Variants in CRNKL1 observed in about 807,000 individuals in gnomAD.
The protein encoded by CRNKL1 is crooked neck-like protein 1.
CRNKL1 carries 35 observed loss-of-function variants against 103.7 expected under a neutral mutation model. The ratio of observed to expected loss-of-function variants is 0.34; its 90% CI spans 0.26 to 0.45. CRNKL1 has a LOEUF of 0.45. Among genes scored for constraint, CRNKL1 ranks in the 20% least tolerant of loss-of-function variants. CRNKL1 has a pLI of 1.00. For missense variants in CRNKL1, 645 were observed against 836.0 expected (o/e 0.77, Z 2.82); for synonymous variants, 267 against 282.6 (o/e 0.94, Z 0.55).
chr20:20,038,080 C>G (rs1477495059), intron 12 of CRNKL1, among the ~76,000 whole-genome samples: 5 of 149,202 alleles, frequency 3.4e-5, no homozygotes, highest in African/African-American at 1.2e-4. Flanking sequence ...AGCAAGACTC[C>G]GTCTCAAAAA....
intron 12 of CRNKL1, among the ~76,000 whole-genome samples, chr20:20,038,129 C>T (rs1390742800): frequency 1.3e-5 from 2 of 150,922 alleles, no homozygotes; most frequent in African/African-American, 4.9e-5. Context: ...TCTTGTGATA[C>T]CCAAGCTACT....
At chr20:20,039,995 A>G (rs1468233253) in intron 10 of CRNKL1, 147 bp from the exon 11 acceptor site, 37 of 797,976 alleles carry the variant, frequency 4.6e-5, no homozygotes, top group Admixed American at 2.8e-4. Flanking sequence ...TGGTATCACA[A>G]TGTTTACTGG....
chr20:20,036,144 C>T lies in CRNKL1; in HGVS notation c.*51G>A. ...AGAACTTCCAGGAGTCACAAGAGTT[C>T]CAAACAATTAATTTATAAAAATAAC... On this transcript the variant is annotated 3_prime_UTR_variant, in exon 14 of 14. Coordinates refer to ENST00000536226, the MANE Select transcript of CRNKL1 (RefSeq NM_001278628.2). 1 of 1,576,304 alleles carries T rather than the reference C, an allele frequency of 6.3e-7. No homozygotes were observed. Among genetic ancestry groups the T allele is most frequent in the Non-Finnish European group, 8.6e-7 (1 of 1,156,362 alleles).
chr20:20,034,796 CTG>C lies in CRNKL1; in HGVS notation c.*1397_*1398del, dbSNP rs747814549. ...TCCTAGTTTCTTCTGTCCTCAAACA[CTG>C]TTATTTATTTTCAAGATAAAATTTA... On this transcript the variant is annotated 3_prime_UTR_variant, in exon 14 of 14. Coordinates refer to ENST00000536226, the MANE Select transcript of CRNKL1 (RefSeq NM_001278628.2). 1 of 152,208 alleles carries C rather than the reference CTG, an allele frequency of 6.6e-6. No homozygotes were observed. The highest frequency in any genetic ancestry group is 6.5e-5 in the Admixed American group (1 of 15,278). The allele number at this position is 152,208 out of a possible 1,614,324, so 9.4% of individuals were successfully genotyped here. A position where few individuals can be genotyped will look rare whatever the true frequency, so the allele number is the denominator to read the frequency against.
At chr20:20,049,673 T>A (rs1273305270) in intron 2 of CRNKL1, among the ~76,000 whole-genome samples, 1 of 152,232 alleles carries the variant, frequency 6.6e-6, no homozygotes, top group African/African-American at 2.4e-5. Flanking sequence ...TACCTTTAAG[T>A]CCTCTGGTAA....
Position 20,040,726 on chromosome 20 carries a change from T to A in CRNKL1, c.1265A>T (p.Glu422Val). 6.2e-7 allele frequency: 1 copy of A among 1,612,330 alleles called. No individual in the cohort carries two copies. The highest frequency in any genetic ancestry group is 2.2e-5 in the East Asian group (1 of 44,826). The change falls in exon 10 of 14, where the codon GAA becomes GTA. Residue 422 changes from glutamate to valine, a missense_variant. By Grantham distance (121) the Glu-to-Val change is moderately radical. This residue lies in a region of CRNKL1 where 582 missense variants were observed against 707.7 expected (regional missense o/e 0.82). Coordinates refer to ENST00000536226, the MANE Select transcript of CRNKL1 (RefSeq NM_001278628.2). ...TAATGACAGATTCTTCTGTCGTATT[T>A]CAAACTGTGCATACAGTATCCACAT... ...AKMWILYAQF[E>V]IRQKNLSLAR... is the part of the protein sequence containing the mutation.
Position 20,036,392 on chromosome 20 carries a change from A to G in CRNKL1, c.1897-30T>C, listed in dbSNP as rs138398083. 1.4e-4 allele frequency: 222 copies of G among 1,608,360 alleles called. No individual in the cohort carries two copies. In the East Asian group the frequency reaches 4.8e-3, roughly 35 times the overall value. On this transcript the variant is annotated intron_variant, in intron 13 of 13. Coordinates refer to ENST00000536226, the MANE Select transcript of CRNKL1 (RefSeq NM_001278628.2). ...AGAAATAAAAAATGAAAAGATAAGC[A>G]AACGTGGGTGATATACTCACATATC...
chr20:20,039,899 G>T, intron 10 of CRNKL1, 51 bp from the exon 11 acceptor site: 1 of 1,591,152 alleles, frequency 6.3e-7, no homozygotes, highest in Non-Finnish European at 8.6e-7. Flanking sequence ...GATTTAATCT[G>T]TGCAGTTATT....
Position 20,035,955 on chromosome 20 carries a change from A to T in CRNKL1, c.*240T>A, listed in dbSNP as rs2043412647. ...TTACATTTCCTAATGCATGATGTGG[A>T]CAGACATTAGAAAAGTTTGGACTCA... On this transcript the variant is annotated 3_prime_UTR_variant, in exon 14 of 14. Transcript: ENST00000536226. The T allele has an allele frequency of 2.2e-6, 1 of 459,842 alleles. No homozygotes were observed. The highest frequency in any genetic ancestry group is 3.2e-5 in the South Asian group (1 of 31,028). 28.5% of individuals were successfully genotyped at this position (459,842 alleles called of 1,614,324 possible).
chr20:20,043,629 G>C lies in CRNKL1; in HGVS notation c.835C>G (p.Leu279Val), dbSNP rs778511962. 25 of 1,613,858 alleles carry C rather than the reference G, an allele frequency of 1.5e-5. No homozygotes were observed. The Admixed American group carries it at 3.2e-4, about 20-fold the overall frequency. Residue 279 changes from leucine to valine, a missense_variant, in exon 7 of 14, where the codon CTG (leucine) becomes GTG (valine). Around this residue, in one of 2 missense-constraint regions of CRNKL1, gnomAD observed 582 missense variants for 707.7 expected, o/e 0.82. Coordinates refer to ENST00000536226, the MANE Select transcript of CRNKL1 (RefSeq NM_001278628.2). ...ERVRVIYKYA[L>V]DRISKQDAQE... ...GCATCTTGTTTTGAAATTCTGTCCA[G>C]GGCATACTTGTAAATCACTCGTACC...
In CRNKL1 at chr20:20,035,858, C is replaced by T. The variant is rs561454983; in HGVS notation, c.*337G>A. 1.5e-4 allele frequency: 27 copies of T among 175,468 alleles called. No individual in the cohort carries two copies. Among genetic ancestry groups the T allele is most frequent in the South Asian group, 3.2e-4 (2 of 6,160 alleles). The allele number at this position is 175,468 out of a possible 1,614,324, so 10.9% of individuals were successfully genotyped here. ...TGACTCTGAAGACATGAAAAAGTTA[C>T]ACATTTCAGATGAATGCATAAACTA... On this transcript the variant is annotated 3_prime_UTR_variant, in exon 14 of 14. Transcript: ENST00000536226.
chr20:20,038,249 A>AC (rs1299556964), intron 12 of CRNKL1, 100 bp downstream of exon 12: 3 of 729,510 alleles, frequency 4.1e-6, no homozygotes, highest in African/African-American at 1.9e-5. Context: ...AAAAAAAAAA[A>AC]AAAAACAAAA....
At chr20:20,049,269 TC>T in intron 3 of CRNKL1, 70 bp downstream of exon 3, 2 of 926,112 alleles carry the variant, frequency 2.2e-6, no homozygotes, top group Non-Finnish European at 3.3e-6. Flanking sequence ...TTTAACTTTT[TC>T]TTCTTTTCTT....
At chr20:20,046,936 A>G (rs1231865122) in intron 5 of CRNKL1, among the ~76,000 whole-genome samples, 1 of 152,244 alleles carries the variant, frequency 6.6e-6, no homozygotes. Flanking sequence ...TGGAATCTGC[A>G]AATAGTGAGG....
At chr20:20,055,782 T>G (rs2044276200), upstream of CRNKL1, among the ~76,000 whole-genome samples, 1 of 152,216 alleles carries the variant, frequency 6.6e-6, no homozygotes, top group African/African-American at 2.4e-5. Context: ...GATAGGAGTC[T>G]AGACATTATT....
upstream of CRNKL1, chr20:20,052,472 G>A: frequency 6.2e-7 from 1 of 1,614,242 alleles, no homozygotes; most frequent in Non-Finnish European, 8.5e-7. Flanking sequence ...GAACTTGCAG[G>A]ACTGACCTTT....
chr20:20,052,197 C>G, intron 1 of CRNKL1, 95 bp downstream of exon 1: 1 of 1,082,440 alleles, frequency 9.2e-7, no homozygotes, highest in East Asian at 2.5e-5. Flanking sequence ...GCCTTCTCCC[C>G]GGCGGGAACA....
intron 2 of CRNKL1, among the ~76,000 whole-genome samples, chr20:20,050,216 A>C (rs181764798): frequency 6.6e-5 from 10 of 152,362 alleles, no homozygotes; most frequent in Non-Finnish European, 1.3e-4. Context: ...TCCATCTGCT[A>C]AACTTCCGCT....
chr20:20,041,300 A>G (rs2043510642), intron 9 of CRNKL1, among the ~76,000 whole-genome samples: 2 of 152,354 alleles, frequency 1.3e-5, no homozygotes, highest in Admixed American at 6.5e-5. Context: ...TGCTCTCTGC[A>G]TGGATGTCTT....
Sources: gnomAD v4.1 joint callset for allele counts (sites outside exome capture counted in the v4.1 genomes callset) on GRCh38, gnomAD v4.1.1 for gene constraint, gnomAD v4.1.1 regional missense constraint, MANE v1.5 for transcripts, NCBI Gene and HGNC (gene_info 2026-07-23, HGNC 2026-07-21) for gene names.